The following CREB5 variants were observed in gnomAD, a reference collection of about 807,000 sequenced individuals.
CREB5 encodes cyclic AMP-responsive element-binding protein 5.
In CREB5, 19 loss-of-function variants were observed where a neutral mutation model predicts 57.1. The observed-to-expected ratio is 0.33, with a 90% CI of 0.23 to 0.49. CREB5 has a LOEUF of 0.49. Ranked by LOEUF, CREB5 falls within the 20% of genes least tolerant of loss-of-function variation. CREB5 has a pLI of 0.99. For synonymous variants in CREB5, 238 were observed against 238.3 expected, an observed-to-expected ratio of 1.00 and a Z score of 0.01; for missense variants, 579 against 671.6, an observed-to-expected ratio of 0.86 and a Z score of 1.52.
intron 1 of CREB5, among the ~76,000 whole-genome samples, chr7:28,436,112 A>C (rs1354957893): frequency 5.2e-5 from 1 of 19,410 alleles, no homozygotes; most frequent in Non-Finnish European, 8.4e-5. Context: ...AATGTGTCAC[A>C]AAGTGAATTT....
chr7:28,725,659 A>AAAAAAG (rs1803296742), intron 7 of CREB5, among the ~76,000 whole-genome samples: 3 of 148,266 alleles, frequency 2.0e-5, no homozygotes, highest in Admixed American at 6.8e-5. Flanking sequence ...AAAAAAAAAA[A>AAAAAAG]AAAGAAAGAA....
rs753306604 is a variant in CREB5 at position 28,809,279 on chromosome 7, T to C, written c.1119T>C (p.Asp373=). Residue 373 remains aspartate (D), a synonymous_variant, in exon 9 of 11, where the codon GAT becomes GAC. Coordinates refer to ENST00000357727, the MANE Select transcript of CREB5 (RefSeq NM_182898.4). ...GCCGGCGAAGGGTGGTAGACGAGGA[T>C]CCGGACGAGAGGCGGCGGAAATTTC... ...GGRRRRVVDE[D]PDERRRKFLE... 3 of 1,614,032 alleles carry C rather than the reference T, an allele frequency of 1.9e-6. No homozygotes were observed. The highest frequency in any genetic ancestry group is 2.2e-5 in the East Asian group (1 of 44,868).
chr7:28,459,083 T>C (rs1269956380), intron 1 of CREB5, among the ~76,000 whole-genome samples: 1 of 152,108 alleles, frequency 6.6e-6, no homozygotes, highest in Non-Finnish European at 1.5e-5. Context: ...TCCATTCTGC[T>C]CCCCACACCC....
chr7:28,365,149 C>T (rs912685177), intron 1 of CREB5, among the ~76,000 whole-genome samples: 2 of 152,164 alleles, frequency 1.3e-5, no homozygotes, highest in East Asian at 1.9e-4. Flanking sequence ...CTCAAACATT[C>T]GTCTCTCTGG....
intron 1 of CREB5, among the ~76,000 whole-genome samples, chr7:28,307,924 C>T (rs1785216798): frequency 6.6e-6 from 1 of 152,184 alleles, no homozygotes; most frequent in Non-Finnish European, 1.5e-5. Context: ...AACGGAGCCC[C>T]TAATGATGCA....
intron 1 of CREB5, among the ~76,000 whole-genome samples, chr7:28,365,326 C>T (rs1430073429): frequency 6.6e-6 from 1 of 152,108 alleles, no homozygotes. Flanking sequence ...CATCACACAC[C>T]TTCCTTCTTA....
At chr7:28,340,348 C>T (rs192595963) in intron 1 of CREB5, among the ~76,000 whole-genome samples, 1 of 152,326 alleles carries the variant, frequency 6.6e-6, no homozygotes, top group African/African-American at 2.4e-5. Context: ...ACTCTTTAGT[C>T]AGCAGGTGAT....
chr7:28,657,465 T>G (rs1307927724), intron 5 of CREB5, among the ~76,000 whole-genome samples: 3 of 152,116 alleles, frequency 2.0e-5, no homozygotes, highest in Non-Finnish European at 4.4e-5. Flanking sequence ...ACATTGTGGC[T>G]CATGCCTGTA....
rs147665007 is a variant in CREB5, at chr7:28,731,301, T to G, written c.702+6969T>G. On this transcript the variant is annotated intron_variant, in intron 7 of 10. Coordinates refer to ENST00000357727, the MANE Select transcript of CREB5 (RefSeq NM_182898.4). ...GTAAATGATTAGATTATGAGGTCAT[T>G]GATAAGAGAAGGGCTAGCAACCATC... Among the ~76,000 whole-genome samples, 16 of 152,308 alleles carry G rather than the reference T, an allele frequency of 1.1e-4. No individual in the cohort carries two copies. The East Asian group carries it at 3.1e-3, about 29-fold the overall frequency.
At position 28,454,900 on chromosome 7, in the gene CREB5, A is replaced by G. The variant is rs79570323; in HGVS notation, c.4-33275A>G. Among the ~76,000 whole-genome samples the G allele has an allele frequency of 3.5e-3, 533 of 152,256 alleles. 5 individuals carry two copies. Among genetic ancestry groups the G allele is most frequent in the African/African-American group, 0.012 (501 of 41,544 alleles). On this transcript the variant is annotated intron_variant, in intron 1 of 10. Coordinates refer to ENST00000357727, the MANE Select transcript of CREB5 (RefSeq NM_182898.4). ...AGAGTATACTGGTACCCGCTTCCAC[A>G]TGGATGCTGAAGTTGTGATTTTACA...
intron 5 of CREB5, among the ~76,000 whole-genome samples, chr7:28,717,215 C>T (rs886884540): frequency 4.0e-5 from 6 of 151,528 alleles, no homozygotes; most frequent in African/African-American, 1.2e-4. Flanking sequence ...TGCGCCACCA[C>T]GCCCAGCTAA....
chr7:28,655,427 C>T (rs1261349156), intron 5 of CREB5, among the ~76,000 whole-genome samples: 1 of 152,010 alleles, frequency 6.6e-6, no homozygotes, highest in Non-Finnish European at 1.5e-5. Context: ...GGCTGTGTGG[C>T]CATCCTGCTT....
rs1252906202 is a variant in CREB5, at chr7:28,560,987, T to C, written c.292-9378T>C. 3.4e-3 allele frequency among the ~76,000 whole-genome samples: 221 copies of C among 64,472 alleles called. 54 individuals carry two copies. The highest frequency in any genetic ancestry group is 9.4e-3 in the African/African-American group (204 of 21,662). The allele number at this position is 64,472 out of a possible 152,430, so 42.3% of individuals were successfully genotyped here. On this transcript the variant is annotated intron_variant, in intron 4 of 10. Coordinates refer to ENST00000357727, the MANE Select transcript of CREB5 (RefSeq NM_182898.4). ...GTGTGTGTGTGCGTGTGTGCGTGCG[T>C]GTGTGTGCCTGCGTGTGCGTGTGTG... is the stretch of plus-strand genomic sequence containing the variant.
intron 4 of CREB5, among the ~76,000 whole-genome samples, chr7:28,538,401 C>T (rs1465461548): frequency 3.2e-5 from 4 of 125,576 alleles, no homozygotes; most frequent in Admixed American, 1.6e-4. Flanking sequence ...TGTGATGAAA[C>T]CTTTATTCGC....
At chr7:28,478,661 A>C (rs565745947) in intron 1 of CREB5, among the ~76,000 whole-genome samples, 2 of 152,304 alleles carry the variant, frequency 1.3e-5, no homozygotes, top group South Asian at 4.1e-4. Context: ...AATTATCACA[A>C]GTGGTAAGGC....
At chr7:28,459,839 A>G (rs1790278669) in intron 1 of CREB5, among the ~76,000 whole-genome samples, 1 of 152,218 alleles carries the variant, frequency 6.6e-6, no homozygotes, top group Non-Finnish European at 1.5e-5. Context: ...CGCTGAACAC[A>G]TGCTTCATAT....
intron 5 of CREB5, among the ~76,000 whole-genome samples, chr7:28,587,275 C>T (rs1384155955): frequency 1.3e-5 from 2 of 152,160 alleles, no homozygotes; most frequent in Non-Finnish European, 2.9e-5. Context: ...CTGCTAATGA[C>T]ATTTGTCATG....
Position 28,570,292 on chromosome 7 carries a change from G to C in CREB5, c.292-73G>C, listed in dbSNP as rs539075835. On this transcript the variant is annotated intron_variant, in intron 4 of 10. Transcript: ENST00000357727. Reference sequence around the variant, plus strand: ...TGACATGACTAGATTCCCAGTTTTGGCCTTTGAGAGCTTGAGAGTAGAATA... The same window carrying C: ...TGACATGACTAGATTCCCAGTTTTGCCCTTTGAGAGCTTGAGAGTAGAATA... 4.6e-4 allele frequency: 697 copies of C among 1,504,248 alleles called. 3 individuals are homozygous for C. Among genetic ancestry groups the C allele is most frequent in the Non-Finnish European group, 5.5e-4 (616 of 1,110,298 alleles). 93.2% of individuals were successfully genotyped at this position (1,504,248 alleles called of 1,614,324 possible).
chr7:28,609,503 T>A (rs1403546794), intron 5 of CREB5, among the ~76,000 whole-genome samples: 1 of 152,276 alleles, frequency 6.6e-6, no homozygotes, highest in Admixed American at 6.5e-5. Flanking sequence ...AAAGGTAGTT[T>A]TAAAATAGAA....
Sources: gnomAD v4.1 joint callset for allele counts (sites outside exome capture counted in the v4.1 genomes callset) on GRCh38, gnomAD v4.1.1 for gene constraint, MANE v1.5 for transcripts, NCBI Gene and HGNC (gene_info 2026-07-23, HGNC 2026-07-21) for gene names.